The following PCDHGB1 variants were observed in gnomAD, a reference collection of about 807,000 sequenced individuals.
The protein encoded by PCDHGB1 is protocadherin gamma-B1.
PCDHGB1 carries 34 observed loss-of-function variants against 56.6 expected under a neutral mutation model. The observed-to-expected ratio is 0.60, with a 90% CI of 0.46 to 0.80. PCDHGB1 has a LOEUF of 0.80. Ranked by LOEUF, PCDHGB1 falls within the 30% of genes least tolerant of loss-of-function variation. PCDHGB1 has a pLI of 0.00. For synonymous variants in PCDHGB1, 561 were observed against 505.9 expected (o/e 1.11, Z -1.46); for missense variants, 1,278 against 1,204.6 (o/e 1.06, Z -0.90).
chr5:141,350,576 GT>G lies in PCDHGB1; in HGVS notation c.317del (p.Val106AlafsTer6), dbSNP rs1561497816. ...KLECALEFET[V>X]AENPMNVFHV... is the part of the protein sequence containing the mutation. The stretch of plus-strand genomic sequence containing the variant: ...TGAGTGTGCACTAGAATTCGAAACG[GT>G]CGCTGAAAACCCAATGAATGTTTTC... On this transcript the variant is annotated frameshift_variant, in exon 1 of 4. Coordinates refer to ENST00000523390, the MANE Select transcript of PCDHGB1 (RefSeq NM_018922.3). LOFTEE classifies it high-confidence loss of function. 1.2e-6 allele frequency: 2 copies of G among 1,614,038 alleles called. No homozygotes were observed. Among genetic ancestry groups the G allele is most frequent in the South Asian group, 2.2e-5 (2 of 91,092 alleles).
In PCDHGB1 at chr5:141,502,866, C is replaced by CTTTTTTTTTT. The variant is rs549047197; in HGVS notation, c.2469-2522_2469-2513dup. On this transcript the variant is annotated intron_variant, in intron 2 of 3. Transcript: ENST00000523390. ...GAGCTGCCTAACCCTGACTCTCTGT[C>CTTTTTTTTTT]TTTTTTTTTTTTTTGACAGGGAGTC... 1.9e-3 allele frequency among the ~76,000 whole-genome samples: 240 copies of CTTTTTTTTTT among 127,966 alleles called. 11 individuals are homozygous for CTTTTTTTTTT. The highest frequency in any genetic ancestry group is 3.5e-3 in the Admixed American group (41 of 11,656). The allele number at this position is 127,966 out of a possible 152,430, so 84.0% of individuals were successfully genotyped here.
At chr5:141,405,830 G>A (rs1214599375) in intron 1 of PCDHGB1, among the ~76,000 whole-genome samples, 3 of 152,148 alleles carry the variant, frequency 2.0e-5, no homozygotes, top group East Asian at 1.9e-4. Flanking sequence ...ACTTAAGGTA[G>A]TATAAGTTGA....
At chr5:141,435,821 T>C (rs571444304) in intron 1 of PCDHGB1, among the ~76,000 whole-genome samples, 72 of 152,240 alleles carry the variant, frequency 4.7e-4, no homozygotes, top group African/African-American at 1.6e-3. Context: ...CTTTCTTCTT[T>C]GTTTGCTGCC....
At chr5:141,376,215 T>C in intron 1 of PCDHGB1, 1 of 1,614,216 alleles carries the variant, frequency 6.2e-7, no homozygotes, top group Non-Finnish European at 8.5e-7. Flanking sequence ...GTCATCGTGC[T>C]GCTGGCGCTC....
rs375307919 is a variant in PCDHGB1, at chr5:141,371,297, C to T, written c.2409+18628C>T. ...AGCTGGACAGTAAAACGGGGGAACT[C>T]ACCACTATTGGAGAACTGGACTTTG... On this transcript the variant is annotated intron_variant, in intron 1 of 3. Coordinates refer to ENST00000523390, the MANE Select transcript of PCDHGB1 (RefSeq NM_018922.3). 11 of 1,613,878 alleles carry T rather than the reference C, an allele frequency of 6.8e-6. No individual in the cohort carries two copies. The African/African-American group carries it at 1.5e-4, about 22-fold the overall frequency.
rs1299573831 is a variant in PCDHGB1 at position 141,500,662 on chromosome 5, T to A, written c.2469-4731T>A. 5.3e-5 allele frequency among the ~76,000 whole-genome samples: 8 copies of A among 152,352 alleles called. No homozygotes were observed. The East Asian group carries it at 1.5e-3, about 29-fold the overall frequency. ...TTTTTAAAAATAGCAACTGAGGCCA[T>A]ACTGTCCAACAGAATTATAGCTTTT... On this transcript the variant is annotated intron_variant, in intron 2 of 3. Coordinates refer to ENST00000523390, the MANE Select transcript of PCDHGB1 (RefSeq NM_018922.3).
chr5:141,382,342 T>A (rs1481008486), intron 1 of PCDHGB1, among the ~76,000 whole-genome samples: 1 of 152,250 alleles, frequency 6.6e-6, no homozygotes, highest in East Asian at 1.9e-4. Context: ...GTAAAATCTT[T>A]CATATGTATT....
At chr5:141,415,468 G>A (rs762272586) in intron 1 of PCDHGB1, 8 of 1,614,070 alleles carry the variant, frequency 5.0e-6, no homozygotes, top group East Asian at 2.2e-5. Context: ...CTCTCTCACC[G>A]CGGACTCGCG....
chr5:141,374,304 T>C lies in PCDHGB1; in HGVS notation c.2409+21635T>C, dbSNP rs748378038. On this transcript the variant is annotated intron_variant, in intron 1 of 3. Coordinates refer to ENST00000523390, the MANE Select transcript of PCDHGB1 (RefSeq NM_018922.3). ...ATCGTCTCCAGAGGTAGGATGCAGC[T>C]TTTCTCTCTGAATCCGCGAAACGGC... 3.7e-6 allele frequency: 6 copies of C among 1,613,950 alleles called. No homozygotes were observed. The highest frequency in any genetic ancestry group is 1.7e-4 in the Middle Eastern group (1 of 6,058).
At chr5:141,385,101 C>T (rs1373310406) in intron 1 of PCDHGB1, 1 of 1,614,078 alleles carries the variant, frequency 6.2e-7, no homozygotes, top group Admixed American at 1.7e-5. Flanking sequence ...GCTTGGCGAA[C>T]GTGCCCACCT....
rs1311219092 is a variant in PCDHGB1 at position 141,372,180 on chromosome 5, G to A, written c.2409+19511G>A. 1 of 1,613,652 alleles carries A rather than the reference G, an allele frequency of 6.2e-7. No homozygotes were observed. On this transcript the variant is annotated intron_variant, in intron 1 of 3. Transcript: ENST00000523390. ...GGTGACCAAGGTGGTGGCGGTGGAC[G>A]CAGACTCGGGATACAACGCCTGGCT...
At chr5:141,363,694 A>G (rs1278422329) in intron 1 of PCDHGB1, among the ~76,000 whole-genome samples, 1 of 152,244 alleles carries the variant, frequency 6.6e-6, no homozygotes, top group African/African-American at 2.4e-5. Context: ...ACTTACATAA[A>G]TCAGTAGGCC....
chr5:141,364,945 G>A (rs543776650), intron 1 of PCDHGB1: 6 of 1,613,918 alleles, frequency 3.7e-6, no homozygotes, highest in South Asian at 3.3e-5. Context: ...GCGAGAAAGA[G>A]ACTGTTCACG....
chr5:141,420,673 A>T (rs1244699899), intron 1 of PCDHGB1, among the ~76,000 whole-genome samples: 5 of 152,208 alleles, frequency 3.3e-5, no homozygotes, highest in Admixed American at 3.3e-4. Flanking sequence ...CTACCTGATG[A>T]TTTTATCGGG....
intron 1 of PCDHGB1, chr5:141,421,945 A>T: frequency 2.5e-6 from 4 of 1,613,342 alleles, no homozygotes; most frequent in Non-Finnish European, 3.4e-6. Context: ...AAATGATCAC[A>T]TCCCAATGTT....
intron 3 of PCDHGB1, among the ~76,000 whole-genome samples, chr5:141,505,697 C>T (rs540949327): frequency 1.4e-4 from 21 of 152,198 alleles, no homozygotes; most frequent in Admixed American, 7.2e-4. Context: ...TGGAGGAGAG[C>T]GAACAAGGAA....
Position 141,358,404 on chromosome 5 carries a change from C to G in PCDHGB1, c.2409+5735C>G, listed in dbSNP as rs1760908931. Among the ~76,000 whole-genome samples, 4 of 152,218 alleles carry G rather than the reference C, an allele frequency of 2.6e-5. No individual in the cohort carries two copies. The South Asian group carries it at 8.3e-4, about 32-fold the overall frequency. ...CATGCTTTGCTTGAAGTTTACTTTTCCTTCCTTGAAAGGGTATTTTCCATT... is the reference window on the plus strand; with the variant it reads ...CATGCTTTGCTTGAAGTTTACTTTTGCTTCCTTGAAAGGGTATTTTCCATT... On this transcript the variant is annotated intron_variant, in intron 1 of 3. Transcript: ENST00000523390.
intron 1 of PCDHGB1, chr5:141,393,430 C>A: frequency 6.2e-7 from 1 of 1,614,040 alleles, no homozygotes. Flanking sequence ...GAGGAAGAGG[C>A]TGCTCACCAC....
chr5:141,370,814 G>T, intron 1 of PCDHGB1: 1 of 1,614,024 alleles, frequency 6.2e-7, no homozygotes, highest in Non-Finnish European at 8.5e-7. Flanking sequence ...TCACTGAGCT[G>T]GAAATCAGCG....
Sources: gnomAD v4.1 joint callset for allele counts (sites outside exome capture counted in the v4.1 genomes callset) on GRCh38, gnomAD v4.1.1 for gene constraint, MANE v1.5 for transcripts, NCBI Gene and HGNC (gene_info 2026-07-23, HGNC 2026-07-21) for gene names.